The following SRRM1 variants were observed in gnomAD, a reference collection of about 807,000 sequenced individuals.
SRRM1 encodes the protein serine/arginine repetitive matrix protein 1.
In SRRM1, 19 loss-of-function variants were observed where a neutral mutation model predicts 110.2. The observed-to-expected ratio is 0.17, with a 90% confidence interval of 0.12 to 0.25. SRRM1 has a LOEUF of 0.25. SRRM1 is among the 10% of genes least tolerant of loss of function. SRRM1 has a pLI of 1.00. For synonymous variants in SRRM1, 443 were observed against 414.9 expected (o/e 1.07, Z -0.82); for missense variants, 918 against 1,145.8 (o/e 0.80, Z 2.87).
intron 2 of SRRM1, 111 bp from the exon 3 acceptor site, chr1:24,646,556 A>G: frequency 1.1e-6 from 1 of 904,548 alleles, no homozygotes. Flanking sequence ...AGATTCTACT[A>G]TGCCAAACAA....
At chr1:24,666,717 A>C (rs889403038) in intron 12 of SRRM1, 98 bp from the exon 13 acceptor site, 9 of 911,454 alleles carry the variant, frequency 9.9e-6, no homozygotes, top group Non-Finnish European at 1.4e-5. Context: ...GTGAGCCAAG[A>C]TCATGCCATT....
chr1:24,652,700 A>G (rs533472427), intron 7 of SRRM1, 72 bp downstream of exon 7: 1 of 1,407,440 alleles, frequency 7.1e-7, no homozygotes, highest in East Asian at 2.3e-5. Context: ...AATTAGATAA[A>G]TAATTTCAAA....
intron 1 of SRRM1, among the ~76,000 whole-genome samples, chr1:24,644,480 A>G (rs961737903): frequency 6.6e-6 from 1 of 152,222 alleles, no homozygotes; most frequent in Non-Finnish European, 1.5e-5. Flanking sequence ...GAAAAATTGG[A>G]AGGGAGGAGG....
chr1:24,656,379 G>T (rs570592846), intron 9 of SRRM1, among the ~76,000 whole-genome samples: 2 of 152,278 alleles, frequency 1.3e-5, no homozygotes, highest in African/African-American at 4.8e-5. Context: ...TGTAGTGATA[G>T]GTTCATTAAA....
intron 10 of SRRM1, 39 bp downstream of exon 10, chr1:24,660,838 GT>G: frequency 1.4e-6 from 2 of 1,442,404 alleles, no homozygotes; most frequent in East Asian, 2.3e-5. Context: ...TGGTTTGTTT[GT>G]TTTTGTTTTT....
rs760440577 is a variant in SRRM1, at chr1:24,652,608, G to A, written c.900G>A (p.Arg300=). The A allele has an allele frequency of 6.2e-7, 1 of 1,604,880 alleles. No homozygotes were observed. The highest frequency in any genetic ancestry group is 8.5e-7 in the Non-Finnish European group (1 of 1,177,360). ...SRSPSHTRPR[R]RHRSRSRSYS... ...CTCCTTCTCACACTCGACCTAGACGGCGCCATAGATCCCGATCAAGGTGAG... is the reference window on the plus strand; with the variant it reads ...CTCCTTCTCACACTCGACCTAGACGACGCCATAGATCCCGATCAAGGTGAG... The change falls in exon 7 of 17, where the codon CGG becomes CGA. Residue 300 remains arginine, a synonymous_variant. Transcript: ENST00000323848.
intron 12 of SRRM1, 64 bp downstream of exon 12, chr1:24,662,868 G>A (rs970092623): frequency 6.4e-7 from 1 of 1,570,884 alleles, no homozygotes; most frequent in Admixed American, 1.8e-5. Context: ...TTGATAACTT[G>A]GGATTATTTG....
At chr1:24,663,308 A>C in intron 12 of SRRM1, 64 of 1,028,658 alleles carry the variant, frequency 6.2e-5, no homozygotes, top group Non-Finnish European at 8.5e-5. Context: ...ACCTCATCTC[A>C]TTCTTAAATA....
chr1:24,652,316 G>A (rs984473327), intron 6 of SRRM1, 118 bp from the exon 7 acceptor site: 1 of 689,590 alleles, frequency 1.5e-6, no homozygotes, highest in African/African-American at 1.9e-5. Flanking sequence ...TTTGGAGATA[G>A]AGACAAGTCT....
chr1:24,670,993 A>G (rs1672445321), intron 15 of SRRM1, among the ~76,000 whole-genome samples: 1 of 152,230 alleles, frequency 6.6e-6, no homozygotes, highest in Non-Finnish European at 1.5e-5. Context: ...TGTTTAGACT[A>G]ATGGCTGGTA....
At chr1:24,667,072 T>C (rs972083527) in intron 13 of SRRM1, 147 bp downstream of exon 13, 3 of 594,436 alleles carry the variant, frequency 5.0e-6, no homozygotes, top group Admixed American at 3.4e-5. Flanking sequence ...ATCATGCTTA[T>C]GAACTACAAA....
At chr1:24,648,651 TGA>T in intron 3 of SRRM1, 1 of 465,186 alleles carries the variant, frequency 2.1e-6, no homozygotes, top group Admixed American at 3.8e-5. Flanking sequence ...TTTGGTAGAG[TGA>T]GAGAGAATTT....
At chr1:24,661,021 T>C (rs1426188781) in intron 10 of SRRM1, 6 of 535,814 alleles carry the variant, frequency 1.1e-5, no homozygotes, top group Non-Finnish European at 2.0e-5. Context: ...TTCTTTCATC[T>C]CCGAAATAGG....
chr1:24,669,424 C>T lies in SRRM1; in HGVS notation c.2041C>T (p.Arg681Trp), dbSNP rs1360888856. 9 of 1,614,214 alleles carry T rather than the reference C, an allele frequency of 5.6e-6. No individual in the cohort carries two copies. Among genetic ancestry groups the T allele is most frequent in the South Asian group, 3.3e-5 (3 of 91,084 alleles). ...GGCCCGATCACCACAACCAAACAAA[C>T]GGCATTCGCCCTCACCACGGCCTCG... is the stretch of plus-strand genomic sequence containing the variant. ...REARSPQPNKRHSPSPRPRAP... is the reference protein window; with the variant it reads ...REARSPQPNKWHSPSPRPRAP... The change falls in exon 14 of 17, where the codon CGG (arginine) becomes TGG (tryptophan). Residue 681 changes from arginine (R) to tryptophan (W), a missense_variant. By Grantham distance (101) the Arg-to-Trp change is moderately radical. Transcript: ENST00000323848.
At chr1:24,643,950 G>A (rs926527870) in intron 1 of SRRM1, among the ~76,000 whole-genome samples, 5 of 152,180 alleles carry the variant, frequency 3.3e-5, no homozygotes, top group Admixed American at 1.3e-4. Flanking sequence ...CTTCAGGGAG[G>A]GGGACGTAGA....
intron 1 of SRRM1, chr1:24,643,588 C>G (rs966013255): frequency 2.8e-4 from 114 of 411,886 alleles, no homozygotes; most frequent in Non-Finnish European, 4.5e-4. Context: ...CGGAAAATGG[C>G]GGCGGGAATG....
intron 1 of SRRM1, among the ~76,000 whole-genome samples, chr1:24,644,732 A>C (rs1656311212): frequency 6.6e-6 from 1 of 152,228 alleles, no homozygotes; most frequent in African/African-American, 2.4e-5. Context: ...TGTAATTTCC[A>C]TCAAAGTGTT....
chr1:24,664,482 C>G (rs1668896639), intron 12 of SRRM1, among the ~76,000 whole-genome samples: 1 of 152,220 alleles, frequency 6.6e-6, no homozygotes, highest in South Asian at 2.1e-4. Flanking sequence ...TGGCATTACA[C>G]TAGTCTGTCT....
chr1:24,668,081 C>T (rs1251235786), intron 13 of SRRM1, among the ~76,000 whole-genome samples: 1 of 147,912 alleles, frequency 6.8e-6, no homozygotes, highest in Non-Finnish European at 1.5e-5. Context: ...AAGCGATTCT[C>T]CTGCCTCAGC....
Sources: allele counts gnomAD v4.1 joint callset (sites outside exome capture counted in the v4.1 genomes callset), GRCh38; gene constraint gnomAD v4.1.1; transcripts MANE v1.5; gene names NCBI Gene and HGNC (gene_info 2026-07-23, HGNC 2026-07-21).